The following SRPK3 variants were observed in gnomAD, a reference collection of about 807,000 sequenced individuals.
The protein encoded by SRPK3 is SFRS protein kinase 3.
Under a neutral mutation model 45.3 loss-of-function variants are expected in SRPK3, and 26 were observed. The observed-to-expected ratio is 0.57, with a 90% CI of 0.42 to 0.80. SRPK3 has a LOEUF of 0.80. Ranked by LOEUF, SRPK3 falls within the 30% of genes least tolerant of loss-of-function variation. The probability of loss-of-function intolerance (pLI) is 0.00; values close to 1 mark genes in which losing one functional copy is unlikely to be tolerated. For missense variants in SRPK3, 536 were observed against 514.5 expected (o/e 1.04, Z -0.40); for synonymous variants, 254 against 226.6 (o/e 1.12, Z -1.09).
chrX:153,782,656 G>A lies in SRPK3; in HGVS notation c.476-116G>A. On this transcript the variant is annotated intron_variant, in intron 5 of 14. Transcript: ENST00000370101. Reference sequence around the variant, plus strand: ...ATAATGGTGACCAGGACTGCCCAGGGGAGGCCCTGCCTCCCCACCTCCACA... The same window carrying A: ...ATAATGGTGACCAGGACTGCCCAGGAGAGGCCCTGCCTCCCCACCTCCACA... 4.6e-6 allele frequency: 3 copies of A among 650,457 alleles called. No individual in the cohort carries two copies. The South Asian group carries it at 8.9e-5, about 19-fold the overall frequency. 53.6% of individuals were successfully genotyped at this position (650,457 alleles called of 1,213,427 possible). A position where few individuals can be genotyped will look rare whatever the true frequency, so the allele number is the denominator to read the frequency against.
chrX:153,784,359 A>G lies in SRPK3; in HGVS notation c.1213A>G (p.Ile405Val). The G allele has an allele frequency of 8.3e-7, 1 of 1,211,303 alleles. No individual in the cohort carries two copies. The highest frequency in any genetic ancestry group is 1.1e-6 in the Non-Finnish European group (1 of 895,503). ...LEPQNADKIK[I>V]KIADLGNACW... ...GCCCCAAAATGCAGATAAGATCAAG[A>G]TCAAGATCGCAGACCTGGGCAACGC... Residue 405 changes from isoleucine (I) to valine (V), a missense_variant, in exon 11 of 15, where the codon ATC becomes GTC. By Grantham distance (29) the Ile-to-Val change is conservative. Coordinates refer to ENST00000370101, the MANE Select transcript of SRPK3 (RefSeq NM_014370.4).
chrX:153,783,312 T>G, intron 8 of SRPK3, 61 bp downstream of exon 8: 1 of 866,794 alleles, frequency 1.2e-6, no homozygotes. Flanking sequence ...CTGGAGGCCA[T>G]CTCTGGAGCC....
rs182616279 is a variant in SRPK3, at chrX:153,783,871, C to T, written c.894C>T (p.Ala298=). Residue 298 remains alanine, a synonymous_variant, in exon 9 of 15, where the codon GCC becomes GCT. Transcript: ENST00000370101. ...AGAGGCTGGAGGCCATGGAGGCTGC[C>T]ACCCAGGCTGAGGGTGAGGGGCCAC... ...DLQRLEAMEA[A]TQAEDSGLRL... is the part of the protein sequence containing the mutation. The T allele has an allele frequency of 2.0e-5, 24 of 1,190,058 alleles. No individual in the cohort carries two copies. In the East Asian group the frequency reaches 7.1e-4, roughly 35 times the overall value.
Position 153,785,710 on chromosome X carries a change from CT to C in SRPK3, c.*192del. 1 of 798,422 alleles carries C rather than the reference CT, an allele frequency of 1.3e-6. No individual in the cohort carries two copies. The highest frequency in any genetic ancestry group is 1.8e-6 in the Non-Finnish European group (1 of 551,994). 65.8% of individuals were successfully genotyped at this position (798,422 alleles called of 1,213,427 possible). The stretch of plus-strand genomic sequence containing the variant: ...TCGGAGAAAGTGTGTGTATTCCTTT[CT>C]TAATAAAGTGTGGACTGAACATCGG... On this transcript the variant is annotated 3_prime_UTR_variant, in exon 15 of 15. Coordinates refer to ENST00000370101, the MANE Select transcript of SRPK3 (RefSeq NM_014370.4).
rs377530012 is a variant in SRPK3, at chrX:153,784,137, C to T, written c.1071C>T (p.Leu357=). ...GSQTSGFSGS[L]FSPASCSILS... is the part of the protein sequence containing the mutation. ...AGACCTCAGGCTTCTCCGGCTCCCT[C>T]TTCTCTCCTGCCTCCTGCTCCATCC... The change falls in exon 10 of 15, where the codon CTC becomes CTT. Residue 357 remains leucine (L), a synonymous_variant. Coordinates refer to ENST00000370101, the MANE Select transcript of SRPK3 (RefSeq NM_014370.4). 8.3e-7 allele frequency: 1 copy of T among 1,209,580 alleles called. No homozygotes were observed. The highest frequency in any genetic ancestry group is 1.1e-6 in the Non-Finnish European group (1 of 895,337).
chrX:153,783,193 T>TG, intron 7 of SRPK3, 33 bp from the exon 8 acceptor site: 5 of 439,147 alleles, frequency 1.1e-5, no homozygotes, highest in South Asian at 7.3e-5. Context: ...TTCCTCCCTG[T>TG]CCCCCCCCAC....
At chrX:153,781,371 C>T (rs200952922) in intron 2 of SRPK3, 25 bp downstream of exon 2, 16 of 1,174,284 alleles carry the variant, frequency 1.4e-5, no homozygotes, top group African/African-American at 8.8e-5. Flanking sequence ...TGGGGACATG[C>T]GGCCTCACGG....
rs2092070364 is a variant in SRPK3, at chrX:153,784,164, C to T, written c.1098C>T (p.Leu366=). Residue 366 remains leucine (L), a synonymous_variant, in exon 10 of 15, where the codon CTC becomes CTT. Transcript: ENST00000370101. ...TCTCTCCTGCCTCCTGCTCCATCCT[C>T]TCCGGCTCGTCCAATCAGCGAGAGA... ...SLFSPASCSI[L]SGSSNQRETG... 1 of 1,211,143 alleles carries T rather than the reference C, an allele frequency of 8.3e-7. No individual in the cohort carries two copies. Among genetic ancestry groups the T allele is most frequent in the Non-Finnish European group, 1.1e-6 (1 of 895,568 alleles).
chrX:153,784,492 G>A (rs181182483), intron 11 of SRPK3, 98 bp downstream of exon 11: 7 of 979,264 alleles, frequency 7.1e-6, no homozygotes, highest in South Asian at 2.1e-5. Flanking sequence ...TGCAGTGCAC[G>A]TGAACCGTCG....
chrX:153,784,771 A>G lies in SRPK3; in HGVS notation c.1270A>G (p.Ile424Val). 1 of 1,211,500 alleles carries G rather than the reference A, an allele frequency of 8.3e-7. No individual in the cohort carries two copies. Among genetic ancestry groups the G allele is most frequent in the Non-Finnish European group, 1.1e-6 (1 of 895,573 alleles). ...CWVHKHFTED[I>V]QTRQYRAVEV... ...CCAGCACAAGCACTTCACGGAAGAC[A>G]TCCAGACTCGGCAGTACCGGGCCGT... The change falls in exon 12 of 15, where the codon ATC becomes GTC. Residue 424 changes from isoleucine (I) to valine (V), a missense_variant. Ile to Val is a conservative substitution (Grantham distance 29). Transcript: ENST00000370101.
At chrX:153,782,922 GT>G in intron 6 of SRPK3, 30 bp from the exon 7 acceptor site, 1 of 1,194,449 alleles carries the variant, frequency 8.4e-7, no homozygotes, top group Admixed American at 2.2e-5. Flanking sequence ...CTGGGCGGGA[GT>G]TGGAGGAGGT....
In SRPK3 at chrX:153,781,048, G is replaced by A; in HGVS notation, c.-39G>A. 1.9e-6 allele frequency: 2 copies of A among 1,033,434 alleles called. No individual in the cohort carries two copies. Among genetic ancestry groups the A allele is most frequent in the Non-Finnish European group, 2.5e-6 (2 of 813,715 alleles). The allele number at this position is 1,033,434 out of a possible 1,213,427, so 85.2% of individuals were successfully genotyped here. A position where few individuals can be genotyped will look rare whatever the true frequency, so the allele number is the denominator to read the frequency against. The stretch of plus-strand genomic sequence containing the variant: ...GCCGCGGCCGGGCCCCACAGGAGCA[G>A]CCGCCCGGGGCACCGGAGCTGCGGG... On this transcript the variant is annotated 5_prime_UTR_variant, in exon 1 of 15. Transcript: ENST00000370101.
Position 153,785,670 on chromosome X carries a change from C to A in SRPK3, c.*150C>A. 1 of 811,585 alleles carries A rather than the reference C, an allele frequency of 1.2e-6. No individual in the cohort carries two copies. Among genetic ancestry groups the A allele is most frequent in the Non-Finnish European group, 1.8e-6 (1 of 570,368 alleles). 66.9% of individuals were successfully genotyped at this position (811,585 alleles called of 1,213,427 possible). A position where few individuals can be genotyped will look rare whatever the true frequency, so the allele number is the denominator to read the frequency against. Reference sequence around the variant, plus strand: ...CTCTCAGAGCGTGTTCTGCCTGAGACCCCCGTGAGGGCTCTCGGAGAAAGT... The same window carrying A: ...CTCTCAGAGCGTGTTCTGCCTGAGAACCCCGTGAGGGCTCTCGGAGAAAGT... On this transcript the variant is annotated 3_prime_UTR_variant, in exon 15 of 15. Coordinates refer to ENST00000370101, the MANE Select transcript of SRPK3 (RefSeq NM_014370.4).
At chrX:153,782,569 GC>G (rs2092058460) in intron 5 of SRPK3, among the ~76,000 whole-genome samples, 1 of 113,310 alleles carries the variant, frequency 8.8e-6, no homozygotes, top group African/African-American at 3.2e-5. Flanking sequence ...ACCACAAAAT[GC>G]ACCATCCCAA....
At chrX:153,783,647 T>C (rs2092065685) in intron 8 of SRPK3, 105 bp from the exon 9 acceptor site, 1 of 1,145,912 alleles carries the variant, frequency 8.7e-7, no homozygotes, top group South Asian at 2.1e-5. Context: ...ATGGGAGCCC[T>C]GGGGCCCGGA....
rs965987697 is a variant in SRPK3 at position 153,781,092 on chromosome X, C to A, written c.6C>A (p.Ser2Arg). 2 of 1,101,787 alleles carry A rather than the reference C, an allele frequency of 1.8e-6. No homozygotes were observed. The highest frequency in any genetic ancestry group is 2.4e-6 in the Non-Finnish European group (2 of 844,706). The allele number at this position is 1,101,787 out of a possible 1,213,427, so 90.8% of individuals were successfully genotyped here. A position where few individuals can be genotyped will look rare whatever the true frequency, so the allele number is the denominator to read the frequency against. M[S>R]ASTGGGGDSG... ...CTGCGGGCTGCGTGGCCGGGATGAG[C>A]GCCAGCACGGGCGGTGGTGGGGACA... The change falls in exon 1 of 15, where the codon AGC (serine) becomes AGA (arginine). Residue 2 changes from serine to arginine, a missense_variant. By Grantham distance (110) the Ser-to-Arg change is moderately radical (BLOSUM62 -1). Transcript: ENST00000370101.
Position 153,781,274 on chromosome X carries a change from G to A in SRPK3, c.118G>A (p.Val40Met), listed in dbSNP as rs1557066744. 6 of 1,209,006 alleles carry A rather than the reference G, an allele frequency of 5.0e-6. No homozygotes were observed. The highest frequency in any genetic ancestry group is 1.1e-6 in the Non-Finnish European group (1 of 894,767). The change falls in exon 2 of 15, where the codon GTG (valine) becomes ATG (methionine). Residue 40 changes from valine (V) to methionine (M), a missense_variant. Val to Met is a conservative substitution (Grantham distance 21). Transcript: ENST00000370101. The part of the protein sequence containing the change: ...SGSELALATP[V>M]PQMLQGLLGS... ...CTCCGAACTAGCCCTGGCCACACCGGTGCCTCAGATGCTGCAGGGCCTTCT... is the reference window on the plus strand; with the variant it reads ...CTCCGAACTAGCCCTGGCCACACCGATGCCTCAGATGCTGCAGGGCCTTCT...
chrX:153,781,828 T>C lies in SRPK3; in HGVS notation c.385T>C (p.Cys129Arg), dbSNP rs2092053903. 8.3e-7 allele frequency: 1 copy of C among 1,209,311 alleles called. No homozygotes were observed. Among genetic ancestry groups the C allele is most frequent in the Non-Finnish European group, 1.1e-6 (1 of 894,723 alleles). Residue 129 changes from cysteine to arginine, a missense_variant and splice_region_variant, in exon 4 of 15, where the codon TGT becomes CGT. Cys to Arg is a radical substitution (Grantham distance 180). Transcript: ENST00000370101. ...TGTGGATGAGATCAAGCTCCTGAAA[T>C]GTGTGAGGCACCTCCCTACCCCACT... ...TAVDEIKLLK[C>R]VRDSDPSDPK...
At chrX:153,781,395 C>T (rs782521459) in intron 2 of SRPK3, 49 bp downstream of exon 2, 1 of 1,171,638 alleles carries the variant, frequency 8.5e-7, no homozygotes, top group Admixed American at 2.4e-5. Context: ...CTGCAGGGAC[C>T]CAGGGCAGTC....
Sources: gnomAD v4.1 joint callset for allele counts (sites outside exome capture counted in the v4.1 genomes callset) on GRCh38, gnomAD v4.1.1 for gene constraint, MANE v1.5 for transcripts, NCBI Gene and HGNC (gene_info 2026-07-23, HGNC 2026-07-21) for gene names.